Variants in ALDH1A2 observed in about 807,000 individuals in gnomAD.
ALDH1A2 encodes the protein aldehyde dehydrogenase 1 family member A2.
ALDH1A2 carries 27 observed loss-of-function variants against 60.3 expected under a neutral mutation model. That is an observed-to-expected ratio of 0.45 (90% CI 0.33 to 0.62). The LOEUF is 0.62. Among genes scored for constraint, ALDH1A2 ranks in the 20% least tolerant of loss-of-function variants. ALDH1A2 has a pLI of 0.02. For synonymous variants in ALDH1A2, 289 were observed against 232.4 expected, an observed-to-expected ratio of 1.24 and a Z score of -2.21; for missense variants, 581 against 643.8, an observed-to-expected ratio of 0.90 and a Z score of 1.06.
chr15:58,002,073 G>C (rs1388561898), intron 4 of ALDH1A2, among the ~76,000 whole-genome samples: 1 of 151,912 alleles, frequency 6.6e-6, no homozygotes, highest in Non-Finnish European at 1.5e-5. Context: ...TTAAGACCCA[G>C]TCAGAGGTAA....
At chr15:57,974,432 C>CAAAAAAAAAAAAA (rs61170362) in intron 7 of ALDH1A2, among the ~76,000 whole-genome samples, 1 of 96,720 alleles carries the variant, frequency 1.0e-5, no homozygotes, top group African/African-American at 4.5e-5. Flanking sequence ...GACTCCATCT[C>CAAAAAAAAAAAAA]AAAAAAAAAA....
chr15:57,956,575 C>G (rs949306427), intron 12 of ALDH1A2, among the ~76,000 whole-genome samples: 2 of 152,142 alleles, frequency 1.3e-5, no homozygotes, highest in Non-Finnish European at 2.9e-5. Flanking sequence ...GGCTGTTCTC[C>G]TGTCCGTATA....
At chr15:57,973,176 A>G (rs1374070688) in intron 7 of ALDH1A2, among the ~76,000 whole-genome samples, 1 of 152,202 alleles carries the variant, frequency 6.6e-6, no homozygotes, top group Non-Finnish European at 1.5e-5. Flanking sequence ...CACTATACCA[A>G]GCAAAATGCA....
At chr15:57,970,104 A>C (rs1004376261) in intron 7 of ALDH1A2, among the ~76,000 whole-genome samples, 2 of 152,258 alleles carry the variant, frequency 1.3e-5, no homozygotes, top group African/African-American at 4.8e-5. Flanking sequence ...TCATTCTGAG[A>C]GTCTGTTCAC....
chr15:57,995,644 A>T (rs2140494890), intron 4 of ALDH1A2, among the ~76,000 whole-genome samples: 1 of 152,240 alleles, frequency 6.6e-6, no homozygotes, highest in East Asian at 1.9e-4. Context: ...CAGGTGTCAA[A>T]ATGTACTTCC....
chr15:57,975,706 G>A (rs752738333), intron 7 of ALDH1A2, among the ~76,000 whole-genome samples: 1 of 151,970 alleles, frequency 6.6e-6, no homozygotes, highest in Non-Finnish European at 1.5e-5. Context: ...CAAAATAACT[G>A]TGCTGAGTAA....
chr15:58,039,362 C>A (rs2140553947), intron 1 of ALDH1A2, among the ~76,000 whole-genome samples: 1 of 151,660 alleles, frequency 6.6e-6, no homozygotes, highest in South Asian at 2.1e-4. Flanking sequence ...ATAACCCGTC[C>A]TAAACACCAG....
At chr15:57,964,334 C>G in intron 8 of ALDH1A2, 1 of 460,484 alleles carries the variant, frequency 2.2e-6, no homozygotes, top group Non-Finnish European at 4.0e-6. Flanking sequence ...TCTCAAACCC[C>G]TATATACCAC....
intron 7 of ALDH1A2, among the ~76,000 whole-genome samples, chr15:57,991,160 A>G (rs118101855): frequency 0.01 from 1,592 of 152,256 alleles, 9 homozygotes; most frequent in Non-Finnish European, 0.015. Flanking sequence ...TGCCCATTCT[A>G]TCTAGGTTTA....
In ALDH1A2 at chr15:58,014,017, C is replaced by A; in HGVS notation, c.223-19G>T. The A allele has an allele frequency of 6.2e-7, 1 of 1,614,038 alleles. No individual in the cohort carries two copies. Reference sequence around the variant, plus strand: ...TATCTGCCTGTTAGAGAGGAAGAGGCACAACTGAAGAAAAACACTCCAAAT... The same window carrying A: ...TATCTGCCTGTTAGAGAGGAAGAGGAACAACTGAAGAAAAACACTCCAAAT... On this transcript the variant is annotated intron_variant, in intron 2 of 12. Coordinates refer to ENST00000249750, the MANE Select transcript of ALDH1A2 (RefSeq NM_003888.4).
chr15:57,971,239 T>C (rs1322027064), intron 7 of ALDH1A2, among the ~76,000 whole-genome samples: 2 of 152,188 alleles, frequency 1.3e-5, no homozygotes, highest in Admixed American at 6.5e-5. Flanking sequence ...CCTTGCTTAC[T>C]TGATAAACTC....
chr15:58,055,594 T>C (rs1436102626), intron 1 of ALDH1A2, among the ~76,000 whole-genome samples: 7 of 151,934 alleles, frequency 4.6e-5, no homozygotes, highest in African/African-American at 1.7e-4. Flanking sequence ...GTAGCCAAAA[T>C]TGTCAGGTGT....
chr15:57,979,078 G>A (rs1289232024), intron 7 of ALDH1A2, among the ~76,000 whole-genome samples: 1 of 152,054 alleles, frequency 6.6e-6, no homozygotes, highest in African/African-American at 2.4e-5. Flanking sequence ...GGGGGGATTA[G>A]GCCCAACCAC....
chr15:57,982,590 C>T (rs1431405597), intron 7 of ALDH1A2, among the ~76,000 whole-genome samples: 3 of 152,104 alleles, frequency 2.0e-5, no homozygotes, highest in Admixed American at 6.5e-5. Flanking sequence ...CCTAAAGTAA[C>T]GTTAAACTTT....
intron 3 of ALDH1A2, 124 bp downstream of exon 3, chr15:58,013,734 A>G: frequency 1.5e-6 from 2 of 1,315,954 alleles, no homozygotes; most frequent in Non-Finnish European, 2.0e-6. Flanking sequence ...CCTGGGCGAC[A>G]GAGCTAGACT....
At chr15:58,024,723 C>T (rs1369335161) in intron 1 of ALDH1A2, among the ~76,000 whole-genome samples, 1 of 152,114 alleles carries the variant, frequency 6.6e-6, no homozygotes, top group Non-Finnish European at 1.5e-5. Context: ...ACATTCTATC[C>T]AACTACTGCA....
chr15:58,026,078 A>G (rs567830692), intron 1 of ALDH1A2, among the ~76,000 whole-genome samples: 2 of 152,290 alleles, frequency 1.3e-5, no homozygotes, highest in East Asian at 3.9e-4. Context: ...TCATTCTATA[A>G]GGCTAGCATC....
chr15:58,013,148 A>G (rs1265777387), intron 3 of ALDH1A2, among the ~76,000 whole-genome samples: 15 of 152,310 alleles, frequency 9.8e-5, no homozygotes. Flanking sequence ...TGACAGGGCA[A>G]ACGGAGCAGA....
rs181157736 is a variant in ALDH1A2 at position 58,031,769 on chromosome 15, G to A, written c.118-17488C>T. 3.0e-3 allele frequency among the ~76,000 whole-genome samples: 464 copies of A among 152,196 alleles called. 1 individual carries two copies. Among genetic ancestry groups the A allele is most frequent in the African/African-American group, 0.011 (438 of 41,534 alleles). ...ACCTGAAAAAATGCTCATCACCACCGGTCATCAGAGAAATCCAAATCAAAA... is the reference window on the plus strand; with the variant it reads ...ACCTGAAAAAATGCTCATCACCACCAGTCATCAGAGAAATCCAAATCAAAA... On this transcript the variant is annotated intron_variant, in intron 1 of 12. Coordinates refer to ENST00000249750, the MANE Select transcript of ALDH1A2 (RefSeq NM_003888.4).
Sources: allele counts gnomAD v4.1 joint callset (sites outside exome capture counted in the v4.1 genomes callset), GRCh38; gene constraint gnomAD v4.1.1; transcripts MANE v1.5; gene names NCBI Gene and HGNC (gene_info 2026-07-23, HGNC 2026-07-21).